Variants in CAPN7 observed in about 807,000 individuals in gnomAD.
The protein encoded by CAPN7 is calpain 7.
Under a neutral mutation model 115.2 loss-of-function variants are expected in CAPN7, and 72 were observed. The ratio of observed to expected loss-of-function variants is 0.63; its 90% CI spans 0.52 to 0.76. CAPN7 has a LOEUF of 0.76. CAPN7 is among the 30% of genes least tolerant of loss of function. CAPN7 has a pLI of 0.00. For synonymous variants in CAPN7, 344 were observed against 322.3 expected (o/e 1.07, Z -0.72); for missense variants, 905 against 971.5 (o/e 0.93, Z 0.91).
At chr3:15,235,187 A>G in intron 12 of CAPN7, 42 bp downstream of exon 12, 5 of 1,533,100 alleles carry the variant, frequency 3.3e-6, no homozygotes, top group Non-Finnish European at 4.4e-6. Flanking sequence ...CTTGTTGGAT[A>G]AGACATTTCA....
rs373079170 is a variant in CAPN7, at chr3:15,245,626, G to C, written c.1965G>C (p.Val655=). The change falls in exon 17 of 21, where the codon GTG becomes GTC. Residue 655 remains valine, a synonymous_variant. Transcript: ENST00000253693. ...CTGGCACCCATACCTTTACATTAGT[G>C]GTTTCTCAATATGAAAAACAGAACA... is the stretch of plus-strand genomic sequence containing the variant. The part of the protein sequence containing the change: ...TTPGTHTFTL[V]VSQYEKQNTI... 1 of 1,613,798 alleles carries C rather than the reference G, an allele frequency of 6.2e-7. No homozygotes were observed. Among genetic ancestry groups the C allele is most frequent in the Admixed American group, 1.7e-5 (1 of 59,976 alleles).
At chr3:15,206,708 T>G in intron 1 of CAPN7, 111 bp downstream of exon 1, 1 of 769,848 alleles carries the variant, frequency 1.3e-6, no homozygotes, top group Admixed American at 2.9e-5. Context: ...GGCTTTGCTT[T>G]TCCCTCGTCC....
At chr3:15,233,083 AAAG>A (rs1291501109) in intron 10 of CAPN7, among the ~76,000 whole-genome samples, 1 of 152,222 alleles carries the variant, frequency 6.6e-6, no homozygotes, top group Non-Finnish European at 1.5e-5. Context: ...CTTGAGCCAG[AAAG>A]AAATTAGTCA....
At position 15,223,564 on chromosome 3, in the gene CAPN7, A is replaced by G. The variant is rs538852855; in HGVS notation, c.725+3A>G. 6.4e-6 allele frequency: 10 copies of G among 1,565,986 alleles called. No homozygotes were observed. Among genetic ancestry groups the G allele is most frequent in the East Asian group, 2.3e-5 (1 of 43,900 alleles). On this transcript the variant is annotated splice_donor_region_variant and intron_variant, in intron 6 of 20. Transcript: ENST00000253693. ...TTTGCCTATCCAATGCCTTTCTGGT[A>G]AGTAAGCACTGTTGCAATTTTTAAC...
chr3:15,220,099 G>T (rs1693878332), intron 4 of CAPN7, among the ~76,000 whole-genome samples: 1 of 152,092 alleles, frequency 6.6e-6, no homozygotes, highest in Non-Finnish European at 1.5e-5. Context: ...TACTCAGAAG[G>T]CTGAGGCAGG....
At chr3:15,215,345 T>C (rs1310174665) in intron 2 of CAPN7, among the ~76,000 whole-genome samples, 1 of 152,254 alleles carries the variant, frequency 6.6e-6, no homozygotes, top group Non-Finnish European at 1.5e-5. Context: ...TTTAGCGAGA[T>C]ACAATTTCCA....
intron 6 of CAPN7, among the ~76,000 whole-genome samples, chr3:15,226,062 A>G (rs868084428): frequency 6.6e-6 from 1 of 152,028 alleles, no homozygotes; most frequent in African/African-American, 2.4e-5. Context: ...AATAAATATT[A>G]TAATTGTAAG....
At chr3:15,236,767 T>C (rs1176153529) in intron 12 of CAPN7, among the ~76,000 whole-genome samples, 2 of 152,186 alleles carry the variant, frequency 1.3e-5, no homozygotes, top group African/African-American at 4.8e-5. Context: ...TATTTGTATA[T>C]CTGAACATAG....
intron 18 of CAPN7, 79 bp from the exon 19 acceptor site, chr3:15,247,248 T>C: frequency 1.9e-6 from 2 of 1,047,468 alleles, no homozygotes; most frequent in Non-Finnish European, 2.6e-6. Flanking sequence ...TTTTTTTTTT[T>C]TGAGATGGAA....
At chr3:15,248,195 TA>T in intron 19 of CAPN7, among the ~76,000 whole-genome samples, 1 of 151,356 alleles carries the variant, frequency 6.6e-6, no homozygotes, top group South Asian at 2.1e-4. Flanking sequence ...AATAAATAAA[TA>T]AAAATAAAAA....
At chr3:15,226,586 A>T (rs918922656) in intron 6 of CAPN7, among the ~76,000 whole-genome samples, 1 of 152,178 alleles carries the variant, frequency 6.6e-6, no homozygotes, top group Non-Finnish European at 1.5e-5. Flanking sequence ...TCTGAATTCA[A>T]TTAGCTCACT....
intron 2 of CAPN7, among the ~76,000 whole-genome samples, chr3:15,215,167 G>A (rs549382644): frequency 6.6e-6 from 1 of 152,182 alleles, no homozygotes; most frequent in African/African-American, 2.4e-5. Context: ...GTGAGTGCCT[G>A]TAGTTCCAGC....
chr3:15,242,556 C>A (rs1279880940), intron 16 of CAPN7, among the ~76,000 whole-genome samples: 1 of 152,150 alleles, frequency 6.6e-6, no homozygotes, highest in African/African-American at 2.4e-5. Flanking sequence ...TTTCCTTGAA[C>A]TTCTGGATAA....
In CAPN7 at chr3:15,230,430, T is replaced by C. The variant is rs746373924; in HGVS notation, c.939-12T>C. On this transcript the variant is annotated splice_polypyrimidine_tract_variant and intron_variant, in intron 8 of 20. Coordinates refer to ENST00000253693, the MANE Select transcript of CAPN7 (RefSeq NM_014296.3). ...AATGTTGGTATTTTAATATTTATTT[T>C]TCTTACAAAAGCATAATTTACCCTC... 3.5e-5 allele frequency: 55 copies of C among 1,558,462 alleles called. No homozygotes were observed. Among genetic ancestry groups the C allele is most frequent in the Non-Finnish European group, 4.6e-5 (52 of 1,129,764 alleles).
Position 15,217,418 on chromosome 3 carries a change from A to G in CAPN7, c.212-7A>G, listed in dbSNP as rs776292946. The G allele has an allele frequency of 5.6e-6, 9 of 1,600,956 alleles. No homozygotes were observed. The highest frequency in any genetic ancestry group is 7.7e-6 in the Non-Finnish European group (9 of 1,175,132). Reference sequence around the variant, plus strand: ...ACTCCTTCTGCGTATTTTTTTTTCTATCCTAGTTCAGTCAAAGAGTGCTGA... The same window carrying G: ...ACTCCTTCTGCGTATTTTTTTTTCTGTCCTAGTTCAGTCAAAGAGTGCTGA... On this transcript the variant is annotated splice_polypyrimidine_tract_variant and splice_region_variant and intron_variant, in intron 2 of 20. Transcript: ENST00000253693.
chr3:15,240,567 T>G lies in CAPN7; in HGVS notation c.1502T>G (p.Leu501Trp), dbSNP rs1166784145. ...GATGTAAAAAACTGGACTCCAGAGT[T>G]GCAAAAGTATTTAAACTTTGATCCC... ...ENDVKNWTPE[L>W]QKYLNFDPRT... Residue 501 changes from leucine to tryptophan, a missense_variant, in exon 13 of 21, where the codon TTG becomes TGG. Leu to Trp is a moderately conservative substitution (Grantham distance 61). Around this residue, in one of 3 missense-constraint regions of CAPN7, gnomAD observed 620 missense variants for 703.4 expected, o/e 0.88. Transcript: ENST00000253693. 1.2e-6 allele frequency: 2 copies of G among 1,612,438 alleles called. No homozygotes were observed. Among genetic ancestry groups the G allele is most frequent in the African/African-American group, 2.7e-5 (2 of 74,776 alleles).
intron 1 of CAPN7, among the ~76,000 whole-genome samples, chr3:15,206,934 G>A (rs2044660884): frequency 6.6e-6 from 1 of 152,278 alleles, no homozygotes; most frequent in African/African-American, 2.4e-5. Context: ...TTTACAGCTA[G>A]CGGGAAATGG....
chr3:15,245,913 A>T (rs1050733700), intron 17 of CAPN7: 1 of 379,376 alleles, frequency 2.6e-6, no homozygotes, highest in Non-Finnish European at 4.7e-6. Context: ...CCCCGTGGTA[A>T]TATAGTATGT....
chr3:15,244,778 C>T (rs1375491051), intron 16 of CAPN7, among the ~76,000 whole-genome samples: 1 of 151,918 alleles, frequency 6.6e-6, no homozygotes, highest in African/African-American at 2.4e-5. Flanking sequence ...TCTGAATATC[C>T]AGATTTTCTA....
Sources: allele counts gnomAD v4.1 joint callset (sites outside exome capture counted in the v4.1 genomes callset), GRCh38; gene constraint gnomAD v4.1.1; regional missense constraint gnomAD v4.1.1; transcripts MANE v1.5; gene names NCBI Gene and HGNC (gene_info 2026-07-23, HGNC 2026-07-21).